The following DYNC2H1 variants were observed in gnomAD, a reference collection of about 807,000 sequenced individuals.
The protein encoded by DYNC2H1 is dynein cytoplasmic 2 heavy chain 1.
In DYNC2H1, 410 loss-of-function variants were observed where a neutral mutation model predicts 570.0. That is an observed-to-expected ratio of 0.72 (90% CI 0.66 to 0.78). The LOEUF is 0.78. Ranked by LOEUF, DYNC2H1 falls within the 30% of genes least tolerant of loss-of-function variation. The pLI is 0.00. For synonymous variants in DYNC2H1, 1,688 were observed against 1,677.6 expected, an observed-to-expected ratio of 1.01 and a Z score of -0.15; for missense variants, 4,865 against 5,046.4, an observed-to-expected ratio of 0.96 and a Z score of 1.09.
chr11:103,314,156 C>G (rs975640439), intron 79 of DYNC2H1, among the ~76,000 whole-genome samples: 1 of 152,126 alleles, frequency 6.6e-6, no homozygotes, highest in African/African-American at 2.4e-5. Context: ...TCCCTACTTA[C>G]TTCCCTGCCA....
At chr11:103,257,562 T>A in intron 68 of DYNC2H1, 46 bp from the exon 69 acceptor site, 5 of 1,553,396 alleles carry the variant, frequency 3.2e-6, no homozygotes, top group Non-Finnish European at 4.4e-6. Flanking sequence ...AAGCACTAAT[T>A]CTAAGGTGTT....
At chr11:103,323,034 A>G (rs767442780) in intron 81 of DYNC2H1, among the ~76,000 whole-genome samples, 5 of 152,194 alleles carry the variant, frequency 3.3e-5, no homozygotes, top group Non-Finnish European at 7.3e-5. Context: ...CCTTGGAAAT[A>G]CTTCAGGGTC....
chr11:103,451,313 G>T, intron 85 of DYNC2H1, among the ~76,000 whole-genome samples: 1 of 140,870 alleles, frequency 7.1e-6, no homozygotes, highest in East Asian at 2.2e-4. Context: ...ATGAATCACT[G>T]AGTAAAAGGG....
chr11:103,259,246 A>G (rs925931976), intron 69 of DYNC2H1, among the ~76,000 whole-genome samples: 1 of 152,200 alleles, frequency 6.6e-6, no homozygotes, highest in Non-Finnish European at 1.5e-5. Flanking sequence ...CATCACACTA[A>G]GGGAAAAGGA....
chr11:103,354,217 T>C (rs1451010049), intron 82 of DYNC2H1, among the ~76,000 whole-genome samples: 1 of 151,098 alleles, frequency 6.6e-6, no homozygotes, highest in Non-Finnish European at 1.5e-5. Context: ...CTGTTTAGCC[T>C]GCTGTTTGGC....
chr11:103,138,919 A>G (rs1859733211), intron 17 of DYNC2H1, among the ~76,000 whole-genome samples: 1 of 151,358 alleles, frequency 6.6e-6, no homozygotes, highest in South Asian at 2.1e-4. Context: ...CAGAGATTCA[A>G]CTTCTTCCTG....
intron 70 of DYNC2H1, among the ~76,000 whole-genome samples, chr11:103,266,118 T>C (rs1865494660): frequency 6.6e-6 from 1 of 152,198 alleles, no homozygotes; most frequent in Admixed American, 6.5e-5. Flanking sequence ...CGCTGGTCAC[T>C]ACACTGCGAT....
intron 82 of DYNC2H1, among the ~76,000 whole-genome samples, chr11:103,341,197 C>G (rs570335425): frequency 2.0e-5 from 3 of 152,308 alleles, no homozygotes; most frequent in African/African-American, 7.2e-5. Context: ...CATTCAAAAT[C>G]TTGGCAGGAG....
intron 18 of DYNC2H1, among the ~76,000 whole-genome samples, chr11:103,146,940 C>T (rs957219082): frequency 1.3e-5 from 2 of 152,038 alleles, no homozygotes; most frequent in Non-Finnish European, 2.9e-5. Flanking sequence ...CGGTATTTTT[C>T]CATGTTATCA....
At chr11:103,377,033 T>C (rs1941420891) in intron 83 of DYNC2H1, among the ~76,000 whole-genome samples, 1 of 152,242 alleles carries the variant, frequency 6.6e-6, no homozygotes, top group Admixed American at 6.5e-5. Flanking sequence ...CACATTTTTC[T>C]CTTGCAGCTT....
At chr11:103,458,065 A>G (rs959296417) in intron 87 of DYNC2H1, among the ~76,000 whole-genome samples, 3 of 152,230 alleles carry the variant, frequency 2.0e-5, no homozygotes, top group African/African-American at 7.2e-5. Flanking sequence ...ACAGTAATAT[A>G]TAGTAGTGTC....
At chr11:103,360,177 A>G (rs931578135) in intron 83 of DYNC2H1, among the ~76,000 whole-genome samples, 2 of 152,162 alleles carry the variant, frequency 1.3e-5, no homozygotes, top group African/African-American at 4.8e-5. Flanking sequence ...AGGAGAAATT[A>G]CTATTTTAGG....
Position 103,303,229 on chromosome 11 carries a change from A to G in DYNC2H1, c.11232A>G (p.Glu3744=). ...SQELQELANA[E]RSGECYHQVA... ...AACTTCAAGAACTAGCTAATGCTGA[A>G]AGAAGCGGAGAGTGTTATCACCAGG... Residue 3744 remains glutamate, a synonymous_variant, in exon 76 of 89, where the codon GAA becomes GAG. Transcript: ENST00000375735. The G allele has an allele frequency of 6.2e-7, 1 of 1,612,404 alleles. No homozygotes were observed. Among genetic ancestry groups the G allele is most frequent in the Non-Finnish European group, 8.5e-7 (1 of 1,178,828 alleles).
At chr11:103,193,632 C>T (rs1862405619) in intron 47 of DYNC2H1, among the ~76,000 whole-genome samples, 1 of 152,014 alleles carries the variant, frequency 6.6e-6, no homozygotes, top group Admixed American at 6.6e-5. Context: ...CAACCTCCGC[C>T]TCCCGGGTTT....
intron 78 of DYNC2H1, among the ~76,000 whole-genome samples, chr11:103,310,681 T>TTC (rs1649093750): frequency 8.7e-6 from 1 of 115,052 alleles, no homozygotes; most frequent in East Asian, 2.7e-4. Flanking sequence ...TTCTTTTTTT[T>TTC]TTTTTTTTTT....
intron 73 of DYNC2H1, among the ~76,000 whole-genome samples, chr11:103,284,138 G>A (rs891183409): frequency 2.6e-5 from 4 of 151,972 alleles, no homozygotes; most frequent in African/African-American, 9.7e-5. Flanking sequence ...TGATGACTTC[G>A]GCCTGTCTTC....
intron 82 of DYNC2H1, among the ~76,000 whole-genome samples, chr11:103,332,339 A>C (rs1938857711): frequency 6.6e-6 from 1 of 151,650 alleles, no homozygotes. Flanking sequence ...AATAGAACAA[A>C]GCATCCAGGA....
rs983786174 is a variant in DYNC2H1, at chr11:103,163,801, A to T, written c.4611+654A>T. Among the ~76,000 whole-genome samples, 2 of 152,162 alleles carry T rather than the reference A, an allele frequency of 1.3e-5. No individual in the cohort carries two copies. The highest frequency in any genetic ancestry group is 2.9e-5 in the Non-Finnish European group (2 of 68,032). The stretch of plus-strand genomic sequence containing the variant: ...TTCTTAGGGACTGTGGATGGTAGAC[A>T]TTGGGATGTTTCATGATTTCTTACA... On this transcript the variant is annotated intron_variant, in intron 30 of 88. Coordinates refer to ENST00000375735, the MANE Select transcript of DYNC2H1 (RefSeq NM_001377.3). This position sits in a 1 kb window ranked among gnomAD's most constrained non-coding sequence, Gnocchi z 4.6.
intron 70 of DYNC2H1, among the ~76,000 whole-genome samples, chr11:103,278,246 A>G (rs1168375367): frequency 1.3e-5 from 2 of 152,164 alleles, no homozygotes; most frequent in Non-Finnish European, 1.5e-5. Context: ...TCCATAGACA[A>G]AAAGATTAAT....
Sources: allele counts gnomAD v4.1 joint callset (sites outside exome capture counted in the v4.1 genomes callset), GRCh38; gene constraint gnomAD v4.1.1; non-coding constraint Gnocchi (gnomAD v3.1); transcripts MANE v1.5; gene names NCBI Gene and HGNC (gene_info 2026-07-23, HGNC 2026-07-21).